Variants in HEATR4 observed in about 807,000 individuals in gnomAD.
HEATR4 encodes HEAT repeat containing 4, also known as HEAT repeat-containing protein 4.
A neutral mutation model predicts 108.8 loss-of-function variants in HEATR4; 95 were observed. The observed-to-expected ratio is 0.87, with a 90% CI of 0.74 to 1.04. The LOEUF (loss-of-function observed/expected upper bound fraction) is 1.04, where lower values mean the gene tolerates loss of function less well. HEATR4 is among the 50% of genes least tolerant of loss of function. HEATR4 has a pLI of 0.00. For missense variants in HEATR4, 1,152 were observed against 1,253.8 expected (o/e 0.92, Z 1.23); for synonymous variants, 443 against 459.4 (o/e 0.96, Z 0.46).
At chr14:73,587,353 TCCA>T in the HEATR4 span, among the ~76,000 whole-genome samples, 1 of 126,174 alleles carries the variant, frequency 7.9e-6, no homozygotes, top group South Asian at 2.3e-4. Flanking sequence ...TTTGGCAACA[TCCA>T]CTTTTTTTTT....
chr14:73,492,656 G>A lies in HEATR4; in HGVS notation c.2844+410C>T. The A allele has an allele frequency of 1.2e-6, 2 of 1,614,018 alleles. No individual in the cohort carries two copies. Among genetic ancestry groups the A allele is most frequent in the Non-Finnish European group, 1.7e-6 (2 of 1,179,882 alleles). ...GGGGGCCCAGTTGACAACAGAAACAGAAGTCCATATGCTTCAGGATGGGAT... is the reference window on the plus strand; with the variant it reads ...GGGGGCCCAGTTGACAACAGAAACAAAAGTCCATATGCTTCAGGATGGGAT... On this transcript the variant is annotated intron_variant, in intron 17 of 17. Transcript: ENST00000553558. The surrounding 1 kb of genome is among the most constrained non-coding windows in gnomAD (Gnocchi z 4.9).
chr14:73,628,552 G>A, the HEATR4 span, among the ~76,000 whole-genome samples: 80,804 of 151,576 alleles, frequency 0.53, 22,459 homozygotes, highest in East Asian at 0.85. Context: ...TCAAGAGTTT[G>A]AGACCAGCCT....
the HEATR4 span, among the ~76,000 whole-genome samples, chr14:73,577,793 T>C: frequency 7.4e-3 from 1,124 of 151,966 alleles, 14 homozygotes; most frequent in African/African-American, 0.025. Context: ...GCAGTAGGAT[T>C]GCTTGAGCCC....
chr14:73,483,957 C>T (rs951495197), intron 17 of HEATR4, among the ~76,000 whole-genome samples: 1 of 151,942 alleles, frequency 6.6e-6, no homozygotes, highest in Admixed American at 6.6e-5. Context: ...CAGGTTCAAG[C>T]GATTATCCTG....
In HEATR4 at chr14:73,519,124, T is replaced by A; in HGVS notation, c.1109A>T (p.Asp370Val). Residue 370 changes from aspartate (D) to valine (V), a missense_variant, in exon 5 of 18, where the codon GAC (aspartate) becomes GTC (valine). Transcript: ENST00000553558. ...ATTTAGGTTTTCCAGGACAATCTGG[T>A]CTCTCTTTGCACCAATCTGGTGGAT... ...QIIHQIGAKR[D>V]QIVLENLNRY... The A allele has an allele frequency of 1.9e-6, 3 of 1,613,934 alleles. No homozygotes were observed. Among genetic ancestry groups the A allele is most frequent in the Non-Finnish European group, 2.5e-6 (3 of 1,179,930 alleles).
In HEATR4 at chr14:73,508,107, G is replaced by C. The variant is rs147978375; in HGVS notation, c.1881+27C>G. ...AAAGACCTAATTGCTCCCCAAAACT[G>C]TGTCTGACCCGGTAATGGACACATA... On this transcript the variant is annotated intron_variant, in intron 9 of 17. Coordinates refer to ENST00000553558, the MANE Select transcript of HEATR4 (RefSeq NM_001220484.1). The C allele has an allele frequency of 6.6e-5, 106 of 1,609,540 alleles. No homozygotes were observed. In the African/African-American group the frequency reaches 1.2e-3, roughly 19 times the overall value.
chr14:73,522,781 G>A lies in HEATR4; in HGVS notation c.372C>T (p.Ser124=), dbSNP rs770923870. 6.2e-7 allele frequency: 1 copy of A among 1,614,024 alleles called. No individual in the cohort carries two copies. The part of the protein sequence containing the change: ...QKPVSFKFLG[S]SSPLTGDTSL... Reference sequence around the variant, plus strand: ...AGGTGTCTCCTGTTAAGGGACTTGAGGAACCCAGGAACTTGAAGCTAACAG... The same window carrying A: ...AGGTGTCTCCTGTTAAGGGACTTGAAGAACCCAGGAACTTGAAGCTAACAG... Residue 124 remains serine (S), a synonymous_variant, in exon 3 of 18, where the codon TCC becomes TCT. Transcript: ENST00000553558.
the HEATR4 span, chr14:73,575,425 TG>T: frequency 2.5e-5 from 34 of 1,355,404 alleles, no homozygotes; most frequent in Non-Finnish European, 3.4e-5. Context: ...GCTCATGCCA[TG>T]GCTCAGGTGG....
At chr14:73,486,072 T>C (rs1885441643) in intron 17 of HEATR4, among the ~76,000 whole-genome samples, 1 of 152,174 alleles carries the variant, frequency 6.6e-6, no homozygotes, top group Admixed American at 6.6e-5. Flanking sequence ...GTCAAAGATA[T>C]CAAAATTTTG....
chr14:73,565,617 G>A, the HEATR4 span, among the ~76,000 whole-genome samples: 1 of 151,858 alleles, frequency 6.6e-6, no homozygotes, highest in Non-Finnish European at 1.5e-5. Context: ...CCTTCTGGTG[G>A]GTTCATGGTC....
chr14:73,590,956 C>T, the HEATR4 span, among the ~76,000 whole-genome samples: 1 of 152,214 alleles, frequency 6.6e-6, no homozygotes, highest in East Asian at 1.9e-4. Context: ...GCGCCGACAG[C>T]GAGCGAGGGC....
intron 17 of HEATR4, among the ~76,000 whole-genome samples, chr14:73,483,423 T>G (rs1363097851): frequency 6.6e-6 from 1 of 152,188 alleles, no homozygotes; most frequent in Non-Finnish European, 1.5e-5. Context: ...ACAGGCACGA[T>G]CATAGCTCAC....
chr14:73,531,306 A>C (rs1274421242), intron 1 of HEATR4: 1 of 113,192 alleles, frequency 8.8e-6, no homozygotes, highest in African/African-American at 2.9e-5. Flanking sequence ...TTGTGGGTTC[A>C]GTCGGGGGTA....
the HEATR4 span, chr14:73,592,234 G>C: frequency 6.2e-7 from 1 of 1,613,182 alleles, no homozygotes; most frequent in Non-Finnish European, 8.5e-7. Flanking sequence ...CCTTTTTGGC[G>C]CTTCCTGAAG....
chr14:73,511,940 C>T (rs776404616), intron 7 of HEATR4, 66 bp downstream of exon 7: 145 of 1,597,532 alleles, frequency 9.1e-5, no homozygotes, highest in Non-Finnish European at 1.2e-4. Context: ...GGGTCCCTAC[C>T]AGTTCAGATG....
chr14:73,514,897 G>A (rs1400033089), intron 5 of HEATR4, among the ~76,000 whole-genome samples: 1 of 151,968 alleles, frequency 6.6e-6, no homozygotes. Flanking sequence ...TGAAAACCCC[G>A]TCTCTACTAA....
chr14:73,595,780 G>C, the HEATR4 span: 7 of 1,216,640 alleles, frequency 5.8e-6, no homozygotes, highest in Admixed American at 1.1e-4. Flanking sequence ...TGTATTTTAC[G>C]TAACTTTGTT....
the HEATR4 span, chr14:73,595,911 T>G: frequency 3.0e-6 from 1 of 332,458 alleles, no homozygotes; most frequent in Non-Finnish European, 5.3e-6. Flanking sequence ...CCTTCTAGAT[T>G]TTTTTAGTTA....
chr14:73,602,491 C>T, the HEATR4 span, among the ~76,000 whole-genome samples: 1 of 152,132 alleles, frequency 6.6e-6, no homozygotes, highest in Non-Finnish European at 1.5e-5. Flanking sequence ...TCTTCCACCC[C>T]GCTTCTCACT....
Sources: gnomAD v4.1 joint callset for allele counts (sites outside exome capture counted in the v4.1 genomes callset) on GRCh38, gnomAD v4.1.1 for gene constraint, Gnocchi (gnomAD v3.1) non-coding constraint, MANE v1.5 for transcripts, NCBI Gene and HGNC (gene_info 2026-07-23, HGNC 2026-07-21) for gene names.